The following FRMD4A variants were observed in gnomAD, a reference collection of about 807,000 sequenced individuals.
FRMD4A encodes the protein FERM domain containing 4A, also known as FERM domain-containing protein 4A.
Under a neutral mutation model 129.1 loss-of-function variants are expected in FRMD4A, and 29 were observed. The observed-to-expected ratio is 0.22, with a 90% CI of 0.17 to 0.31. FRMD4A has a LOEUF of 0.31. Among genes scored for constraint, FRMD4A ranks in the 10% least tolerant of loss-of-function variants. The pLI is 1.00. For synonymous variants in FRMD4A, 634 were observed against 571.6 expected, an observed-to-expected ratio of 1.11 and a Z score of -1.56; for missense variants, 1,272 against 1,375.8, an observed-to-expected ratio of 0.92 and a Z score of 1.19.
chr10:13,988,920 A>G (rs1267087994), intron 2 of FRMD4A, among the ~76,000 whole-genome samples: 5 of 152,258 alleles, frequency 3.3e-5, no homozygotes, highest in African/African-American at 1.2e-4. Flanking sequence ...CAGCAACTAC[A>G]CGGGAACTTG....
At chr10:13,827,954 A>G (rs2130928551) in intron 3 of FRMD4A, among the ~76,000 whole-genome samples, 1 of 152,224 alleles carries the variant, frequency 6.6e-6, no homozygotes, top group East Asian at 1.9e-4. Flanking sequence ...TCTACTGCCC[A>G]AATACCATTT....
At chr10:13,650,662 C>G (rs1045087543) in intron 24 of FRMD4A, among the ~76,000 whole-genome samples, 2 of 152,180 alleles carry the variant, frequency 1.3e-5, no homozygotes, top group Non-Finnish European at 2.9e-5. Context: ...CTTCCAAAGC[C>G]TAAGTCCCTG....
At chr10:13,917,147 AT>A (rs1250496324) in intron 2 of FRMD4A, among the ~76,000 whole-genome samples, 13 of 152,346 alleles carry the variant, frequency 8.5e-5, no homozygotes, top group African/African-American at 2.9e-4. Flanking sequence ...CAGGTGACAA[AT>A]TATGCAGCTC....
At chr10:13,946,703 G>T (rs189770981) in intron 2 of FRMD4A, among the ~76,000 whole-genome samples, 1 of 152,252 alleles carries the variant, frequency 6.6e-6, no homozygotes, top group East Asian at 1.9e-4. Flanking sequence ...GTCCACTGAA[G>T]ACCAGCATGG....
chr10:14,123,887 C>T (rs756482373), intron 2 of FRMD4A, among the ~76,000 whole-genome samples: 16 of 152,172 alleles, frequency 1.1e-4, no homozygotes, highest in Non-Finnish European at 1.8e-4. Flanking sequence ...ATTTAGGTAA[C>T]GTCTTGCACC....
chr10:14,101,401 A>G (rs1034292639), intron 2 of FRMD4A, among the ~76,000 whole-genome samples: 2 of 152,166 alleles, frequency 1.3e-5, no homozygotes, highest in African/African-American at 2.4e-5. Context: ...GAGTAGATAA[A>G]ATAGGACTAG....
At chr10:13,979,880 TCC>T (rs1310485868) in intron 2 of FRMD4A, among the ~76,000 whole-genome samples, 2 of 152,208 alleles carry the variant, frequency 1.3e-5, no homozygotes, top group African/African-American at 4.8e-5. Context: ...CTACATAAAA[TCC>T]ACCCTGGTGC....
At chr10:13,841,803 T>C (rs760065420) in intron 3 of FRMD4A, among the ~76,000 whole-genome samples, 8 of 152,060 alleles carry the variant, frequency 5.3e-5, no homozygotes, top group Non-Finnish European at 8.8e-5. Context: ...TCTAACAAAT[T>C]ATTGAGCTGG....
intron 2 of FRMD4A, among the ~76,000 whole-genome samples, chr10:13,939,707 T>A (rs2095276287): frequency 6.6e-6 from 1 of 152,114 alleles, no homozygotes; most frequent in Non-Finnish European, 1.5e-5. Flanking sequence ...ACAAGAATAA[T>A]CAGTACTGCA....
intron 12 of FRMD4A, among the ~76,000 whole-genome samples, chr10:13,736,684 C>T (rs1462447862): frequency 6.6e-6 from 1 of 152,160 alleles, no homozygotes; most frequent in Non-Finnish European, 1.5e-5. Flanking sequence ...GAGGATAAAA[C>T]AGCTTGGAAA....
At chr10:13,809,658 C>T (rs1272588907) in intron 4 of FRMD4A, among the ~76,000 whole-genome samples, 1 of 152,142 alleles carries the variant, frequency 6.6e-6, no homozygotes, top group Admixed American at 6.5e-5. Flanking sequence ...GGCTCCAGGA[C>T]GAGGGGCCCA....
chr10:13,804,201 C>T (rs1459593660), intron 4 of FRMD4A, among the ~76,000 whole-genome samples: 4 of 152,216 alleles, frequency 2.6e-5, no homozygotes, highest in Non-Finnish European at 4.4e-5. Context: ...CAGCCACTGA[C>T]TTTCTCCTCT....
intron 2 of FRMD4A, among the ~76,000 whole-genome samples, chr10:14,016,351 A>G (rs2095699072): frequency 6.6e-6 from 1 of 152,184 alleles, no homozygotes; most frequent in Non-Finnish European, 1.5e-5. Flanking sequence ...AGGATGAAAC[A>G]ATGTTTGTGA....
chr10:13,649,536 C>G (rs1196478258), intron 24 of FRMD4A: 1 of 151,180 alleles, frequency 6.6e-6, no homozygotes, highest in Non-Finnish European at 1.5e-5. Context: ...GCTCCTGCCT[C>G]TGAGAAAATG....
chr10:14,203,232 T>C (rs769647442), intron 2 of FRMD4A, among the ~76,000 whole-genome samples: 19 of 152,210 alleles, frequency 1.2e-4, no homozygotes, highest in Non-Finnish European at 2.1e-4. Flanking sequence ...ATATATAGAT[T>C]TTTTAAATAA....
At chr10:13,927,023 G>A (rs1388100926) in intron 2 of FRMD4A, among the ~76,000 whole-genome samples, 1 of 152,156 alleles carries the variant, frequency 6.6e-6, no homozygotes, top group Non-Finnish European at 1.5e-5. Flanking sequence ...GGAGGCTGAG[G>A]CGGGCAGATC....
At chr10:14,073,642 T>TAGAAGA (rs1835420328) in intron 2 of FRMD4A, among the ~76,000 whole-genome samples, 1 of 152,140 alleles carries the variant, frequency 6.6e-6, no homozygotes, top group Admixed American at 6.5e-5. Context: ...AGGGCTGCTG[T>TAGAAGA]AGAAGAAGCG....
At chr10:13,972,058 C>T in intron 2 of FRMD4A, 1 of 1,149,800 alleles carries the variant, frequency 8.7e-7, no homozygotes, top group Non-Finnish European at 1.1e-6. Context: ...CTCCTTGTCT[C>T]TGGGGACTCA....
intron 2 of FRMD4A, among the ~76,000 whole-genome samples, chr10:14,212,032 C>A (rs1842946110): frequency 6.6e-6 from 1 of 152,076 alleles, no homozygotes; most frequent in Non-Finnish European, 1.5e-5. Context: ...AGACAGACAT[C>A]CCCTGTGATC....
Sources: allele counts gnomAD v4.1 joint callset (sites outside exome capture counted in the v4.1 genomes callset), GRCh38; gene constraint gnomAD v4.1.1; transcripts MANE v1.5; gene names NCBI Gene and HGNC (gene_info 2026-07-23, HGNC 2026-07-21).